The following NF2 variants were observed in gnomAD, a reference collection of about 807,000 sequenced individuals.
NF2 encodes the protein NF2, moesin-ezrin-radixin like (MERLIN) tumor suppressor, also known as merlin.
NF2 carries 8 observed loss-of-function variants against 83.7 expected under a neutral mutation model. The observed-to-expected ratio is 0.10, with a 90% CI of 0.06 to 0.17. The LOEUF (loss-of-function observed/expected upper bound fraction) is 0.17, where lower values mean the gene tolerates loss of function less well. Among genes scored for constraint, NF2 ranks in the 10% least tolerant of loss-of-function variants. The pLI is 1.00. For synonymous variants in NF2, 266 were observed against 269.6 expected, an observed-to-expected ratio of 0.99 and a Z score of 0.13; for missense variants, 533 against 744.4, an observed-to-expected ratio of 0.72 and a Z score of 3.31.
intron 1 of NF2, among the ~76,000 whole-genome samples, chr22:29,635,084 G>A (rs936814236): frequency 3.9e-5 from 6 of 152,180 alleles, no homozygotes; most frequent in African/African-American, 1.4e-4. Flanking sequence ...CTTGTCTGCT[G>A]TGGTCCTGAT....
intron 4 of NF2, among the ~76,000 whole-genome samples, chr22:29,651,079 T>C (rs2066135291): frequency 6.6e-6 from 1 of 152,254 alleles, no homozygotes; most frequent in Non-Finnish European, 1.5e-5. Flanking sequence ...TTCTGGTATT[T>C]TTATGGATTT....
chr22:29,612,677 A>G (rs1170956396), intron 1 of NF2, among the ~76,000 whole-genome samples: 1 of 152,154 alleles, frequency 6.6e-6, no homozygotes, highest in East Asian at 1.9e-4. Context: ...AAATAAATAA[A>G]TAAATAGAAA....
intron 1 of NF2, among the ~76,000 whole-genome samples, chr22:29,633,459 T>G (rs1370506346): frequency 6.6e-6 from 1 of 152,170 alleles, no homozygotes; most frequent in Non-Finnish European, 1.5e-5. Context: ...GGCTGCCTTC[T>G]CTCCCTTCTA....
At chr22:29,672,000 C>T in intron 11 of NF2, 52 bp downstream of exon 11, 1 of 1,613,334 alleles carries the variant, frequency 6.2e-7, no homozygotes, top group East Asian at 2.2e-5. Flanking sequence ...ACTTCCTTGG[C>T]TTTTCTGGAG....
chr22:29,677,012 C>T (rs2066984770), intron 13 of NF2, among the ~76,000 whole-genome samples: 1 of 125,058 alleles, frequency 8.0e-6, no homozygotes, highest in South Asian at 3.0e-4. Flanking sequence ...AGCACCCTTG[C>T]AGACGGTCTG....
chr22:29,645,558 A>G (rs982210523), intron 4 of NF2, among the ~76,000 whole-genome samples: 14 of 152,236 alleles, frequency 9.2e-5, no homozygotes, highest in Non-Finnish European at 1.9e-4. Flanking sequence ...CCCGACAGTG[A>G]TGAAGCAGTC....
At chr22:29,640,814 T>G (rs2065787616) in intron 3 of NF2, among the ~76,000 whole-genome samples, 1 of 152,076 alleles carries the variant, frequency 6.6e-6, no homozygotes, top group Admixed American at 6.6e-5. Flanking sequence ...AGGTGACAAA[T>G]TTATTTCTGA....
chr22:29,698,174 C>T lies in NF2; in HGVS notation c.*3372C>T. 4.3e-6 allele frequency: 1 copy of T among 232,690 alleles called. No individual in the cohort carries two copies. The highest frequency in any genetic ancestry group is 8.5e-6 in the Non-Finnish European group (1 of 117,578). The allele number at this position is 232,690 out of a possible 1,614,324, so 14.4% of individuals were successfully genotyped here. ...AACCTGTGTTGTCCACCCTATTATT[C>T]ATGTACCTGCCAGGCCCTGCTAGAT... On this transcript the variant is annotated 3_prime_UTR_variant, in exon 16 of 16. Coordinates refer to ENST00000338641, the MANE Select transcript of NF2 (RefSeq NM_000268.4).
At chr22:29,627,769 T>G (rs1157725876) in intron 1 of NF2, among the ~76,000 whole-genome samples, 1 of 152,164 alleles carries the variant, frequency 6.6e-6, no homozygotes, top group East Asian at 1.9e-4. Flanking sequence ...GTTTAAAAGC[T>G]CCATTTTGTG....
rs2067521089 is a variant in NF2, at chr22:29,695,348, C to T, written c.*546C>T. 1.9e-5 allele frequency: 5 copies of T among 265,036 alleles called. No individual in the cohort carries two copies. In the South Asian group the frequency reaches 5.5e-4, roughly 29 times the overall value. The allele number at this position is 265,036 out of a possible 1,614,324, so 16.4% of individuals were successfully genotyped here. On this transcript the variant is annotated 3_prime_UTR_variant, in exon 16 of 16. Transcript: ENST00000338641. The surrounding 1 kb of genome is among the most constrained non-coding windows in gnomAD (Gnocchi z 5.4). ...GAGCCCGCCCAGAGCTCGTGACGAG[C>T]AAGTGCTGGGTCCCCGCCAGGCACC...
chr22:29,607,097 C>A (rs927423722), intron 1 of NF2, among the ~76,000 whole-genome samples: 3 of 152,116 alleles, frequency 2.0e-5, no homozygotes, highest in African/African-American at 7.2e-5. Flanking sequence ...TCCCTCCTGT[C>A]CTGGTTGTAT....
chr22:29,694,822 A>G lies in NF2; in HGVS notation c.*20A>G. ...CTCTAGCAGGTGACCCAGCCACCCCAGGACCTGCCACTTCTCCTGCTACCG... is the reference window on the plus strand; with the variant it reads ...CTCTAGCAGGTGACCCAGCCACCCCGGGACCTGCCACTTCTCCTGCTACCG... On this transcript the variant is annotated 3_prime_UTR_variant, in exon 16 of 16. Transcript: ENST00000338641. This position sits in a 1 kb window ranked among gnomAD's most constrained non-coding sequence, Gnocchi z 4.1. 1 of 1,610,448 alleles carries G rather than the reference A, an allele frequency of 6.2e-7. No individual in the cohort carries two copies. The highest frequency in any genetic ancestry group is 1.1e-5 in the South Asian group (1 of 90,450).
intron 4 of NF2, among the ~76,000 whole-genome samples, chr22:29,643,359 A>G (rs1018362050): frequency 4.0e-5 from 6 of 150,860 alleles, no homozygotes; most frequent in African/African-American, 7.3e-5. Flanking sequence ...GCAGGGTCAT[A>G]GGACAATAGT....
chr22:29,678,271 G>A lies in NF2; in HGVS notation c.1522G>A (p.Asp508Asn), dbSNP rs749326764. Residue 508 changes from aspartate (D) to asparagine (N), a missense_variant, in exon 14 of 16, where the codon GAC (aspartate) becomes AAC (asparagine). Asp to Asn is a conservative substitution (Grantham distance 23). Around this residue, in one of 3 missense-constraint regions of NF2, gnomAD observed 199 missense variants for 240.7 expected, o/e 0.83. Coordinates refer to ENST00000338641, the MANE Select transcript of NF2 (RefSeq NM_000268.4). Reference sequence around the variant, plus strand: ...CCTCATTGGTGACAGCCTGTCTTTCGACTTCAAAGATACTGACATGAAGCG... The same window carrying A: ...CCTCATTGGTGACAGCCTGTCTTTCAACTTCAAAGATACTGACATGAAGCG... Reference protein sequence around the residue: ...FNLIGDSLSFDFKDTDMKRLS... With the variant: ...FNLIGDSLSFNFKDTDMKRLS... 12 of 1,613,914 alleles carry A rather than the reference G, an allele frequency of 7.4e-6. No individual in the cohort carries two copies. Among genetic ancestry groups the A allele is most frequent in the Admixed American group, 3.3e-5 (2 of 59,982 alleles).
intron 1 of NF2, among the ~76,000 whole-genome samples, chr22:29,606,705 T>C (rs1488862302): frequency 3.3e-5 from 5 of 152,048 alleles, no homozygotes; most frequent in Admixed American, 2.0e-4. Context: ...CTGGAAAGAA[T>C]TGGGGAATAA....
rs766310151 is a variant in NF2, at chr22:29,626,387, C to T, written c.115-10364C>T. On this transcript the variant is annotated intron_variant, in intron 1 of 15. Coordinates refer to ENST00000338641, the MANE Select transcript of NF2 (RefSeq NM_000268.4). ...CAGGATGGTCTCGATCTCTTGATCTCGTGATCCACCCGCTTCGGTCTCCCA... is the reference window on the plus strand; with the variant it reads ...CAGGATGGTCTCGATCTCTTGATCTTGTGATCCACCCGCTTCGGTCTCCCA... 1.6e-3 allele frequency among the ~76,000 whole-genome samples: 239 copies of T among 151,974 alleles called. 2 individuals are homozygous for T. Among genetic ancestry groups the T allele is most frequent in the Non-Finnish European group, 1.2e-3 (79 of 67,950 alleles).
intron 1 of NF2, among the ~76,000 whole-genome samples, chr22:29,605,104 C>T (rs1198605176): frequency 6.6e-6 from 1 of 151,928 alleles, no homozygotes; most frequent in Non-Finnish European, 1.5e-5. Flanking sequence ...CCTGCCTCAG[C>T]CTCTCGAGTA....
chr22:29,661,741 G>A (rs556140514), intron 8 of NF2, among the ~76,000 whole-genome samples: 2 of 151,654 alleles, frequency 1.3e-5, no homozygotes, highest in Non-Finnish European at 2.9e-5. Flanking sequence ...TCAGCCTCCT[G>A]AGTAGCTACT....
intron 1 of NF2, chr22:29,609,426 T>C: frequency 2.1e-6 from 1 of 486,604 alleles, no homozygotes; most frequent in Admixed American, 2.6e-5. Context: ...TGGTGAGGAG[T>C]GAAGACCCTA....
Sources: allele counts gnomAD v4.1 joint callset (sites outside exome capture counted in the v4.1 genomes callset), GRCh38; gene constraint gnomAD v4.1.1; regional missense constraint gnomAD v4.1.1; non-coding constraint Gnocchi (gnomAD v3.1); transcripts MANE v1.5; gene names NCBI Gene and HGNC (gene_info 2026-07-23, HGNC 2026-07-21).